The following KCNN2 variants were observed in gnomAD, a reference collection of about 807,000 sequenced individuals.
KCNN2 encodes the protein small conductance calcium-activated potassium channel protein 2.
A neutral mutation model predicts 55.5 loss-of-function variants in KCNN2; 24 were observed. The observed-to-expected ratio is 0.43, with a 90% confidence interval of 0.31 to 0.61. The LOEUF (loss-of-function observed/expected upper bound fraction) is 0.61. KCNN2 is among the 20% of genes least tolerant of loss of function. The pLI, the probability that KCNN2 is intolerant of heterozygous loss-of-function variation, is 0.08. For synonymous variants in KCNN2, 431 were observed against 336.1 expected, an observed-to-expected ratio of 1.28 and a Z score of -3.09; for missense variants, 754 against 853.6, an observed-to-expected ratio of 0.88 and a Z score of 1.45.
chr5:114,379,383 A>G (rs977860887), intron 2 of KCNN2, among the ~76,000 whole-genome samples: 1 of 150,660 alleles, frequency 6.6e-6, no homozygotes, highest in Non-Finnish European at 1.5e-5. Context: ...GGGTCCTCCT[A>G]CAATCTCATT....
chr5:114,460,877 A>C (rs1761159256), intron 3 of KCNN2, among the ~76,000 whole-genome samples: 1 of 152,194 alleles, frequency 6.6e-6, no homozygotes, highest in Admixed American at 6.5e-5. Context: ...TTGTGCTAAG[A>C]AGCAGCTTTG....
intron 1 of KCNN2, among the ~76,000 whole-genome samples, chr5:114,363,661 CTA>C (rs1208700463): frequency 6.6e-6 from 1 of 152,214 alleles, no homozygotes; most frequent in African/African-American, 2.4e-5. Flanking sequence ...CTTCGGTCCT[CTA>C]TGGCGTGGAC....
At chr5:114,395,064 A>G (rs972278146) in intron 2 of KCNN2, among the ~76,000 whole-genome samples, 2 of 152,204 alleles carry the variant, frequency 1.3e-5, no homozygotes, top group African/African-American at 4.8e-5. Context: ...GGTAAACCCA[A>G]GATGTTTAAT....
chr5:114,256,126 A>G (rs535779492), intron 2 of KCNN2, among the ~76,000 whole-genome samples: 2 of 152,168 alleles, frequency 1.3e-5, no homozygotes, highest in South Asian at 2.1e-4. Context: ...TGAGTATTTT[A>G]CTTAAGATAA....
At chr5:114,280,652 T>A (rs540295223) in intron 2 of KCNN2, among the ~76,000 whole-genome samples, 5 of 152,164 alleles carry the variant, frequency 3.3e-5, no homozygotes, top group Non-Finnish European at 7.4e-5. Context: ...TCTGTTCCAT[T>A]AAGTCACCGT....
At chr5:114,108,223 A>G (rs1238951042) in intron 1 of KCNN2, among the ~76,000 whole-genome samples, 1 of 152,070 alleles carries the variant, frequency 6.6e-6, no homozygotes, top group African/African-American at 2.4e-5. Flanking sequence ...TCAGTATAAA[A>G]TATTTACTGT....
At position 114,107,940 on chromosome 5, in the gene KCNN2, A is replaced by G. The variant is rs536338834; in HGVS notation, c.-271+51440A>G. On this transcript the variant is annotated intron_variant, in intron 1 of 10. Coordinates refer to the KCNN2 transcript ENST00000512097. The stretch of plus-strand genomic sequence containing the variant: ...TTGCATTACTTTCATTGGATCTACT[A>G]TAAGGTGTTTGATCAAATCTATTAG... Among the ~76,000 whole-genome samples the G allele has an allele frequency of 1.2e-3, 186 of 152,140 alleles. 1 individual carries two copies. The highest frequency in any genetic ancestry group is 1.6e-3 in the Non-Finnish European group (106 of 67,974).
At chr5:114,143,453 G>T (rs977592947) in intron 1 of KCNN2, among the ~76,000 whole-genome samples, 1 of 152,106 alleles carries the variant, frequency 6.6e-6, no homozygotes, top group African/African-American at 2.4e-5. Context: ...TTCTCAGAAG[G>T]GAGTATGCCT....
At chr5:114,091,847 C>G (rs1201441237) in intron 1 of KCNN2, among the ~76,000 whole-genome samples, 1 of 152,184 alleles carries the variant, frequency 6.6e-6, no homozygotes, top group African/African-American at 2.4e-5. Context: ...CCGTGATTCA[C>G]TTACCTCCAC....
chr5:114,425,172 G>C (rs1759582004), intron 3 of KCNN2, among the ~76,000 whole-genome samples: 1 of 152,166 alleles, frequency 6.6e-6, no homozygotes, highest in African/African-American at 2.4e-5. Context: ...TCTACCCAAG[G>C]CCATGGTGTG....
At chr5:114,328,802 A>G (rs575613249) in intron 2 of KCNN2, among the ~76,000 whole-genome samples, 1 of 152,242 alleles carries the variant, frequency 6.6e-6, no homozygotes, top group East Asian at 1.9e-4. Context: ...CCTGAATGAG[A>G]ACCAGGGGTC....
intron 2 of KCNN2, among the ~76,000 whole-genome samples, chr5:114,273,240 T>C (rs1365554853): frequency 2.0e-5 from 3 of 152,172 alleles, no homozygotes; most frequent in Non-Finnish European, 4.4e-5. Flanking sequence ...TATTCCATGG[T>C]ATATATGTGC....
intron 2 of KCNN2, among the ~76,000 whole-genome samples, chr5:114,258,736 A>G (rs1030911189): frequency 5.9e-5 from 9 of 152,152 alleles, no homozygotes; most frequent in African/African-American, 1.7e-4. Flanking sequence ...TGGTCAGACA[A>G]TATCTCCAGG....
At chr5:114,481,129 C>G (rs1762204736) in intron 5 of KCNN2, among the ~76,000 whole-genome samples, 1 of 152,166 alleles carries the variant, frequency 6.6e-6, no homozygotes. Flanking sequence ...GCTTCTTAAG[C>G]TGATAAGCAA....
At chr5:114,167,774 A>C (rs116760377) in intron 1 of KCNN2, among the ~76,000 whole-genome samples, 377 of 152,254 alleles carry the variant, frequency 2.5e-3, no homozygotes, top group African/African-American at 8.7e-3. Context: ...CATCACCACA[A>C]TCAAGACAGT....
chr5:114,134,242 A>T (rs931510283), intron 1 of KCNN2, among the ~76,000 whole-genome samples: 4 of 151,114 alleles, frequency 2.6e-5, no homozygotes, highest in African/African-American at 9.7e-5. Context: ...CTAGTATAGC[A>T]GGAATTTCAC....
In KCNN2 at chr5:114,211,443, A is replaced by G. The variant is rs148196785; in HGVS notation, c.-270-10037A>G. ...GATGGAGCTGGAGGCCATTATTCTC[A>G]GCAAACTAACACAGAAACAGAAAAC... On this transcript the variant is annotated intron_variant, in intron 1 of 10. Transcript: ENST00000512097. Among the ~76,000 whole-genome samples, 536 of 152,312 alleles carry G rather than the reference A, an allele frequency of 3.5e-3. 3 individuals carry two copies. Among genetic ancestry groups the G allele is most frequent in the African/African-American group, 0.013 (522 of 41,562 alleles).
At chr5:114,430,995 A>G (rs1018475200) in intron 3 of KCNN2, among the ~76,000 whole-genome samples, 11 of 152,188 alleles carry the variant, frequency 7.2e-5, no homozygotes, top group Non-Finnish European at 1.0e-4. Flanking sequence ...ACTTGCTAAC[A>G]TTTTTTGAGG....
chr5:114,314,640 C>T (rs1228419508), intron 2 of KCNN2, among the ~76,000 whole-genome samples: 1 of 152,014 alleles, frequency 6.6e-6, no homozygotes, highest in African/African-American at 2.4e-5. Context: ...ACTGAACTAG[C>T]AGAAGATTTT....
Sources: allele counts gnomAD v4.1 joint callset (sites outside exome capture counted in the v4.1 genomes callset), GRCh38; gene constraint gnomAD v4.1.1; transcripts MANE v1.5; gene names NCBI Gene and HGNC (gene_info 2026-07-23, HGNC 2026-07-21).